The following RLN2 variants were observed in gnomAD, a reference collection of about 807,000 sequenced individuals.
The protein encoded by RLN2 is relaxin 2.
Under a neutral mutation model 7.3 loss-of-function variants are expected in RLN2, and 10 were observed. The ratio of observed to expected loss-of-function variants is 1.36; its 90% confidence interval spans 0.84 to 2.31. The LOEUF (loss-of-function observed/expected upper bound fraction) is 2.31, where lower values mean the gene tolerates loss of function less well. Among genes scored for constraint, RLN2 ranks in the 30% most tolerant of loss-of-function variants. RLN2 has a pLI of 0.00. For missense variants in RLN2, 298 were observed against 217.6 expected (o/e 1.37, Z -2.32); for synonymous variants, 103 against 82.3 (o/e 1.25, Z -1.36).
chr9:5,330,766 C>CAA, the RLN2 span, among the ~76,000 whole-genome samples: 832 of 76,252 alleles, frequency 0.011, 15 homozygotes, highest in African/African-American at 0.032. Context: ...GATAGAGAGA[C>CAA]AAAAAAAAAA....
At chr9:5,306,908 T>C (rs537110922), upstream of RLN2, among the ~76,000 whole-genome samples, 1 of 152,202 alleles carries the variant, frequency 6.6e-6, no homozygotes, top group Non-Finnish European at 1.5e-5. Flanking sequence ...TGTGACACAG[T>C]TCTGTCTAAT....
At chr9:5,329,100 G>A in the RLN2 span, among the ~76,000 whole-genome samples, 6 of 151,394 alleles carry the variant, frequency 4.0e-5, no homozygotes, top group Non-Finnish European at 7.4e-5. Context: ...TCAGGAGATC[G>A]AGACCATCCT....
upstream of RLN2, chr9:5,305,037 A>G (rs1816217935): frequency 6.1e-6 from 1 of 163,924 alleles, no homozygotes; most frequent in African/African-American, 2.4e-5. Flanking sequence ...TCTAACCTAA[A>G]TAAGATTATA....
chr9:5,306,773 G>C (rs190688370), upstream of RLN2, among the ~76,000 whole-genome samples: 4 of 152,076 alleles, frequency 2.6e-5, no homozygotes, highest in African/African-American at 9.7e-5. Flanking sequence ...TCCAGTTGTA[G>C]TTCATCTGAA....
chr9:5,320,327 C>A, the RLN2 span, among the ~76,000 whole-genome samples: 10 of 151,718 alleles, frequency 6.6e-5, no homozygotes, highest in African/African-American at 2.2e-4. Flanking sequence ...CTGAAAGAAT[C>A]TCTCCAGTGA....
chr9:5,335,285 C>A, the RLN2 span: 1 of 1,598,432 alleles, frequency 6.3e-7, no homozygotes, highest in Non-Finnish European at 8.5e-7. Flanking sequence ...TTTGGTACAA[C>A]CAATTAGGCA....
the RLN2 span, among the ~76,000 whole-genome samples, chr9:5,320,993 C>A: frequency 2.0e-5 from 3 of 152,070 alleles, no homozygotes; most frequent in African/African-American, 7.2e-5. Flanking sequence ...GTTGAAGAAT[C>A]ACAACATGAT....
At chr9:5,329,235 G>T in the RLN2 span, among the ~76,000 whole-genome samples, 2 of 147,014 alleles carry the variant, frequency 1.4e-5, no homozygotes, top group African/African-American at 5.1e-5. Context: ...CCCGGGAAGC[G>T]GAGCTTGCAG....
the RLN2 span, among the ~76,000 whole-genome samples, chr9:5,333,595 G>C: frequency 2.6e-5 from 4 of 151,938 alleles, no homozygotes; most frequent in African/African-American, 9.7e-5. Context: ...GAAGTACAAA[G>C]AAGAGCTGGT....
At chr9:5,319,177 G>A in the RLN2 span, among the ~76,000 whole-genome samples, 2 of 151,932 alleles carry the variant, frequency 1.3e-5, no homozygotes, top group Non-Finnish European at 2.9e-5. Flanking sequence ...TAACCTTTGG[G>A]AAGTGAAAGT....
the RLN2 span, among the ~76,000 whole-genome samples, chr9:5,327,474 G>C: frequency 3.3e-5 from 5 of 152,052 alleles, no homozygotes; most frequent in Non-Finnish European, 7.4e-5. Context: ...TCTAGCGGCA[G>C]GGCATAGTAG....
the RLN2 span, among the ~76,000 whole-genome samples, chr9:5,312,602 TGAA>T: frequency 6.6e-6 from 1 of 152,018 alleles, no homozygotes; most frequent in South Asian, 2.1e-4. Flanking sequence ...GGTAGTCCGT[TGAA>T]GAAGGGAGTA....
At chr9:5,329,802 A>T in the RLN2 span, among the ~76,000 whole-genome samples, 1 of 151,882 alleles carries the variant, frequency 6.6e-6, no homozygotes, top group African/African-American at 2.4e-5. Flanking sequence ...CTCCCACACA[A>T]TAATAATGGG....
chr9:5,307,804 T>C (rs745464940), upstream of RLN2, among the ~76,000 whole-genome samples: 7 of 152,046 alleles, frequency 4.6e-5, no homozygotes, highest in Non-Finnish European at 8.8e-5. Flanking sequence ...CTTGTGGCCT[T>C]CTACCTGCAC....
chr9:5,336,355 A>T, the RLN2 span, among the ~76,000 whole-genome samples: 3 of 152,010 alleles, frequency 2.0e-5, no homozygotes, highest in African/African-American at 7.3e-5. Flanking sequence ...AAGGCTGCAG[A>T]TCATGCACTA....
At chr9:5,325,626 T>G in the RLN2 span, among the ~76,000 whole-genome samples, 1 of 152,072 alleles carries the variant, frequency 6.6e-6, no homozygotes, top group Non-Finnish European at 1.5e-5. Flanking sequence ...AAAAATATCT[T>G]TTAAGCAGAG....
chr9:5,310,684 A>G, the RLN2 span, among the ~76,000 whole-genome samples: 1 of 152,044 alleles, frequency 6.6e-6, no homozygotes, highest in Non-Finnish European at 1.5e-5. Flanking sequence ...ATTTACAATT[A>G]ATCCAAGCCC....
chr9:5,328,597 G>A, the RLN2 span, among the ~76,000 whole-genome samples: 4 of 151,852 alleles, frequency 2.6e-5, no homozygotes, highest in Non-Finnish European at 5.9e-5. Context: ...GCAACCCCAA[G>A]ACACATAATT....
the RLN2 span, among the ~76,000 whole-genome samples, chr9:5,326,090 A>G: frequency 6.6e-6 from 1 of 152,148 alleles, no homozygotes; most frequent in South Asian, 2.1e-4. Context: ...CATCACATTC[A>G]ATCTAAAATT....
Sources: allele counts gnomAD v4.1 joint callset (sites outside exome capture counted in the v4.1 genomes callset), GRCh38; gene constraint gnomAD v4.1.1; transcripts MANE v1.5; gene names NCBI Gene and HGNC (gene_info 2026-07-23, HGNC 2026-07-21).